The following CSMD1 variants were observed in gnomAD, a reference collection of about 807,000 sequenced individuals.
The protein encoded by CSMD1 is CUB and sushi domain-containing protein 1.
CSMD1 carries 213 observed loss-of-function variants against 417.5 expected under a neutral mutation model. That is an observed-to-expected ratio of 0.51 (90% CI 0.46 to 0.57). CSMD1 has a LOEUF of 0.57. Among genes scored for constraint, CSMD1 ranks in the 20% least tolerant of loss-of-function variants. The pLI, the probability that CSMD1 is intolerant of heterozygous loss-of-function variation, is 0.00. For synonymous variants in CSMD1, 2,862 were observed against 1,736.8 expected (o/e 1.65, Z -16.11); for missense variants, 6,923 against 4,529.7 (o/e 1.53, Z -15.17).
At chr8:4,741,692 G>C (rs557966331) in intron 1 of CSMD1, among the ~76,000 whole-genome samples, 1 of 152,200 alleles carries the variant, frequency 6.6e-6, no homozygotes, top group East Asian at 1.9e-4. Flanking sequence ...CTTTTCCATT[G>C]TCTTCACTAC....
intron 5 of CSMD1, among the ~76,000 whole-genome samples, chr8:3,900,192 G>T (rs982275114): frequency 1.3e-5 from 2 of 151,810 alleles, no homozygotes; most frequent in Non-Finnish European, 2.9e-5. Context: ...CTGGGTAACA[G>T]TGCAGCTGGG....
At chr8:3,800,513 G>A (rs1800396854) in intron 5 of CSMD1, among the ~76,000 whole-genome samples, 1 of 152,120 alleles carries the variant, frequency 6.6e-6, no homozygotes, top group African/African-American at 2.4e-5. Context: ...ACACCATACA[G>A]AAAAATTATC....
At chr8:3,867,894 G>A (rs36120929) in intron 5 of CSMD1, among the ~76,000 whole-genome samples, 12,196 of 151,890 alleles carry the variant, frequency 0.08, 544 homozygotes, top group South Asian at 0.15. Context: ...CCGTTCCCAA[G>A]ACTCTGTGTC....
At chr8:4,461,109 T>G (rs1799790268) in intron 2 of CSMD1, among the ~76,000 whole-genome samples, 1 of 152,054 alleles carries the variant, frequency 6.6e-6, no homozygotes, top group African/African-American at 2.4e-5. Flanking sequence ...GCTTAGCATC[T>G]GAAAATCTAA....
chr8:4,051,558 A>G (rs1488334289), intron 3 of CSMD1, among the ~76,000 whole-genome samples: 1 of 152,182 alleles, frequency 6.6e-6, no homozygotes, highest in South Asian at 2.1e-4. Flanking sequence ...CAACTCCAAC[A>G]ATCAAGCAAA....
intron 12 of CSMD1, among the ~76,000 whole-genome samples, chr8:3,422,313 G>A (rs1813546262): frequency 1.3e-5 from 2 of 152,160 alleles, no homozygotes; most frequent in Non-Finnish European, 2.9e-5. Flanking sequence ...ATAATTTGGG[G>A]TTTGTTGAGG....
chr8:2,977,581 G>A (rs957959175), intron 55 of CSMD1, among the ~76,000 whole-genome samples: 2 of 152,114 alleles, frequency 1.3e-5, no homozygotes, highest in African/African-American at 2.4e-5. Context: ...TGTATCATGG[G>A]ATCTAACTAA....
rs574708190 is a variant in CSMD1 at position 3,321,447 on chromosome 8, T to A, written c.3632-12944A>T. On this transcript the variant is annotated intron_variant, in intron 23 of 69. Transcript: ENST00000635120. Reference sequence around the variant, plus strand: ...CCTCCTGAAGGCTCTTCCTCCTCCCTGAATTTCCTGTGAATCCCACCACAA... The same window carrying A: ...CCTCCTGAAGGCTCTTCCTCCTCCCAGAATTTCCTGTGAATCCCACCACAA... 1.2e-4 allele frequency among the ~76,000 whole-genome samples: 19 copies of A among 152,272 alleles called. 1 individual carries two copies. The East Asian group carries it at 3.3e-3, about 26-fold the overall frequency.
At chr8:4,687,490 G>C (rs1316410503) in intron 1 of CSMD1, among the ~76,000 whole-genome samples, 1 of 152,334 alleles carries the variant, frequency 6.6e-6, no homozygotes, top group Admixed American at 6.5e-5. Context: ...GCAAATTGTA[G>C]AAGAGATGCC....
chr8:4,740,154 G>A (rs181308803), intron 1 of CSMD1, among the ~76,000 whole-genome samples: 127 of 152,172 alleles, frequency 8.3e-4, no homozygotes, highest in Middle Eastern at 6.8e-3. Context: ...GGATGACTGT[G>A]CAATGAGAGC....
chr8:3,468,950 C>CA, intron 11 of CSMD1, 126 bp from the exon 12 acceptor site: 1 of 601,384 alleles, frequency 1.7e-6, no homozygotes, highest in Non-Finnish European at 3.0e-6. Flanking sequence ...GACCCTCTTT[C>CA]AAAGACTGTA....
rs78745241 is a variant in CSMD1, at chr8:4,816,813, G to C, written c.85+177519C>G. Reference sequence around the variant, plus strand: ...GAAAAGATGGGAGAGATGTCACAGAGCCAGAACTGAGAGACTTGGCAATTA... The same window carrying C: ...GAAAAGATGGGAGAGATGTCACAGACCCAGAACTGAGAGACTTGGCAATTA... On this transcript the variant is annotated intron_variant, in intron 1 of 69. Transcript: ENST00000635120. Among the ~76,000 whole-genome samples the C allele has an allele frequency of 3.3e-3, 502 of 152,248 alleles. 8 individuals carry two copies. The highest frequency in any genetic ancestry group is 0.011 in the African/African-American group (472 of 41,540).
chr8:4,984,522 A>G (rs1458420517), intron 1 of CSMD1, among the ~76,000 whole-genome samples: 1 of 152,208 alleles, frequency 6.6e-6, no homozygotes, highest in Non-Finnish European at 1.5e-5. Context: ...AATGAAAAAC[A>G]CAAAGTTTTC....
Position 2,938,007 on chromosome 8 carries a change from A to G in CSMD1, c.*578T>C, listed in dbSNP as rs1801611426. 6.5e-6 allele frequency: 1 copy of G among 152,718 alleles called. No individual in the cohort carries two copies. Among genetic ancestry groups the G allele is most frequent in the Non-Finnish European group, 1.5e-5 (1 of 68,088 alleles). The allele number at this position is 152,718 out of a possible 1,614,324, so 9.5% of individuals were successfully genotyped here. A position where few individuals can be genotyped will look rare whatever the true frequency, so the allele number is the denominator to read the frequency against. ...TGCAAACATCCCTAGAGATGAACAC[A>G]CAGGGGAGCTGTGAGGTCCTCAAAG... On this transcript the variant is annotated 3_prime_UTR_variant, in exon 70 of 70. Transcript: ENST00000635120.
chr8:4,027,212 G>A (rs554795855), intron 4 of CSMD1, among the ~76,000 whole-genome samples: 1 of 152,154 alleles, frequency 6.6e-6, no homozygotes, highest in Non-Finnish European at 1.5e-5. Context: ...TTGAAGGTTT[G>A]TACTTTATTC....
At chr8:3,205,195 G>C (rs532206930) in intron 31 of CSMD1, among the ~76,000 whole-genome samples, 2 of 152,244 alleles carry the variant, frequency 1.3e-5, no homozygotes, top group African/African-American at 4.8e-5. Flanking sequence ...GAAATCCTCC[G>C]TTGCTCATAA....
chr8:3,974,176 C>T (rs1021837721), intron 5 of CSMD1, among the ~76,000 whole-genome samples: 30 of 152,020 alleles, frequency 2.0e-4, no homozygotes, highest in African/African-American at 7.0e-4. Flanking sequence ...GCACACACCC[C>T]CACAGTTTAT....
rs568550136 is a variant in CSMD1, at chr8:4,966,343, C to T, written c.85+27989G>A. 3.2e-4 allele frequency among the ~76,000 whole-genome samples: 49 copies of T among 152,190 alleles called. No homozygotes were observed. The East Asian group carries it at 3.7e-3, about 11-fold the overall frequency. On this transcript the variant is annotated intron_variant, in intron 1 of 69. Transcript: ENST00000635120. ...GCAGTGAGCCAAGATCACACCATTG[C>T]ACTCCAGCCTGGGCAACAAGAGTGA...
At chr8:3,382,604 T>C (rs939086679) in intron 18 of CSMD1, among the ~76,000 whole-genome samples, 31 of 142,266 alleles carry the variant, frequency 2.2e-4, no homozygotes, top group African/African-American at 7.6e-4. Flanking sequence ...CTCTATATAA[T>C]ATATAATAAT....
Sources: allele counts gnomAD v4.1 joint callset (sites outside exome capture counted in the v4.1 genomes callset), GRCh38; gene constraint gnomAD v4.1.1; transcripts MANE v1.5; gene names NCBI Gene and HGNC (gene_info 2026-07-23, HGNC 2026-07-21).